SCP2: variants seen among roughly 807,000 people sequenced by gnomAD.
The protein encoded by SCP2 is sterol carrier protein 2, also known as SCP-2/3-oxoacyl-CoA thiolase.
In SCP2, 48 loss-of-function variants were observed where a neutral mutation model predicts 71.4. The observed-to-expected ratio is 0.67, with a 90% CI of 0.53 to 0.86. The LOEUF (loss-of-function observed/expected upper bound fraction) is 0.86, where lower values mean the gene tolerates loss of function less well. SCP2 is among the 40% of genes least tolerant of loss of function. The pLI is 0.00. For missense variants in SCP2, 560 were observed against 655.6 expected (o/e 0.85, Z 1.59); for synonymous variants, 220 against 218.1 (o/e 1.01, Z -0.08).
At chr1:52,990,041 CTT>C (rs1659331772) in intron 11 of SCP2, among the ~76,000 whole-genome samples, 2 of 152,156 alleles carry the variant, frequency 1.3e-5, no homozygotes, top group South Asian at 4.1e-4. Context: ...GACCAGGAGA[CTT>C]TTTAGTTCAG....
chr1:52,994,047 T>TGTAA (rs922629749), intron 11 of SCP2: 1 of 1,160,026 alleles, frequency 8.6e-7, no homozygotes, highest in Non-Finnish European at 1.1e-6. Context: ...CGTATCTGTA[T>TGTAA]GTAAATGTTG....
At chr1:52,958,410 T>C (rs1193761469) in intron 5 of SCP2, among the ~76,000 whole-genome samples, 1 of 152,086 alleles carries the variant, frequency 6.6e-6, no homozygotes, top group Non-Finnish European at 1.5e-5. Flanking sequence ...TGTGTATTTT[T>C]AGTAGAGACG....
At position 53,050,625 on chromosome 1, in the gene SCP2, A is replaced by C. The variant is rs778473698; in HGVS notation, c.1565A>C (p.Lys522Thr). 1.2e-5 allele frequency: 19 copies of C among 1,613,070 alleles called. No homozygotes were observed. Among genetic ancestry groups the C allele is most frequent in the Non-Finnish European group, 1.4e-5 (16 of 1,179,220 alleles). ...MNPQSAFFQG[K>T]LKITGNMGLA... ...TCTTCACAGGCCTTCTTTCAAGGCA[A>C]ATTGAAAATCACTGGCAACATGGGT... Residue 522 changes from lysine (K) to threonine (T), a missense_variant, in exon 16 of 16, where the codon AAA (lysine) becomes ACA (threonine). Lys to Thr is a moderately conservative substitution (Grantham distance 78). Coordinates refer to ENST00000371514, the MANE Select transcript of SCP2 (RefSeq NM_002979.5).
chr1:52,979,346 TA>T (rs1658272718), intron 9 of SCP2, among the ~76,000 whole-genome samples: 1 of 147,412 alleles, frequency 6.8e-6, no homozygotes, highest in African/African-American at 2.7e-5. Flanking sequence ...TAAGTTTTTG[TA>T]TTTTTTTTTT....
At chr1:52,960,203 T>C (rs1415076944) in intron 5 of SCP2, among the ~76,000 whole-genome samples, 16 of 152,138 alleles carry the variant, frequency 1.1e-4, no homozygotes, top group Admixed American at 1.0e-3. Flanking sequence ...TTCTTTTTTC[T>C]AGTTTATTCT....
rs1663934517 is a variant in SCP2, at chr1:53,047,847, A to G, written c.1469-11A>G. 4 of 1,592,182 alleles carry G rather than the reference A, an allele frequency of 2.5e-6. No homozygotes were observed. The highest frequency in any genetic ancestry group is 2.6e-6 in the Non-Finnish European group (3 of 1,160,192). On this transcript the variant is annotated splice_polypyrimidine_tract_variant and intron_variant, in intron 14 of 15. Coordinates refer to ENST00000371514, the MANE Select transcript of SCP2 (RefSeq NM_002979.5). Reference sequence around the variant, plus strand: ...CCTATTCTCCTTCCTTCTCCTGTGTATCTGTTTTAGATAAGAAGGCTGACT... The same window carrying G: ...CCTATTCTCCTTCCTTCTCCTGTGTGTCTGTTTTAGATAAGAAGGCTGACT...
At chr1:52,974,993 A>G (rs2150163790) in intron 7 of SCP2, among the ~76,000 whole-genome samples, 161 bp downstream of exon 7, 1 of 152,280 alleles carries the variant, frequency 6.6e-6, no homozygotes, top group East Asian at 1.9e-4. Context: ...ACTTTTGACA[A>G]CTTTTCAGTT....
chr1:53,010,994 G>T (rs1660954866), intron 11 of SCP2, among the ~76,000 whole-genome samples: 2 of 152,174 alleles, frequency 1.3e-5, no homozygotes, highest in South Asian at 4.1e-4. Context: ...CACAAAGCCT[G>T]TTGGGTGGTC....
Position 52,961,632 on chromosome 1 carries a change from A to G in SCP2, c.523+3A>G, listed in dbSNP as rs1178560410. The G allele has an allele frequency of 2.5e-6, 4 of 1,613,308 alleles. No individual in the cohort carries two copies. The highest frequency in any genetic ancestry group is 1.1e-5 in the South Asian group (1 of 91,064). The stretch of plus-strand genomic sequence containing the variant: ...AAAAGAACATATGGAAAAATATGGT[A>G]TGTTACAGTTAAAAAACTTTGAGGC... On this transcript the variant is annotated splice_donor_region_variant and intron_variant, in intron 6 of 15. Transcript: ENST00000371514.
At chr1:53,041,090 G>C (rs1663393456) in intron 14 of SCP2, among the ~76,000 whole-genome samples, 1 of 152,126 alleles carries the variant, frequency 6.6e-6, no homozygotes, top group Non-Finnish European at 1.5e-5. Context: ...ATTGGGACCA[G>C]CTCTTTGGAG....
chr1:52,937,293 G>A (rs1159089176), intron 1 of SCP2, among the ~76,000 whole-genome samples: 1 of 152,152 alleles, frequency 6.6e-6, no homozygotes, highest in East Asian at 1.9e-4. Context: ...TAAGACTACT[G>A]GGTGCAGAGT....
chr1:52,961,718 G>A, intron 6 of SCP2, 89 bp downstream of exon 6: 1 of 1,144,892 alleles, frequency 8.7e-7, no homozygotes, highest in South Asian at 1.3e-5. Flanking sequence ...AACTGTGGAG[G>A]ATGCCAGGAT....
At position 53,028,079 on chromosome 1, in the gene SCP2, T is replaced by G. The variant is rs375633442; in HGVS notation, c.1338+8T>G. 155 of 1,482,144 alleles carry G rather than the reference T, an allele frequency of 1.0e-4. No individual in the cohort carries two copies. Among genetic ancestry groups the G allele is most frequent in the Non-Finnish European group, 1.3e-4 (143 of 1,060,422 alleles). The allele number at this position is 1,482,144 out of a possible 1,614,324, so 91.8% of individuals were successfully genotyped here. ...GAGAAGAAACTTGAAGAGGTAAGAT[T>G]TATGTAAAATATTGCCAGGAAGGAC... On this transcript the variant is annotated splice_region_variant and intron_variant, in intron 13 of 15. Transcript: ENST00000371514.
chr1:52,939,815 G>A (rs1654057233), intron 1 of SCP2, among the ~76,000 whole-genome samples: 1 of 152,026 alleles, frequency 6.6e-6, no homozygotes, highest in South Asian at 2.1e-4. Flanking sequence ...GATTATAGGT[G>A]CTGGCCACCA....
At chr1:53,013,283 T>G (rs1173495775) in intron 11 of SCP2, among the ~76,000 whole-genome samples, 1 of 151,494 alleles carries the variant, frequency 6.6e-6, no homozygotes, top group Admixed American at 6.6e-5. Flanking sequence ...GCCTGGCTGA[T>G]TTAAAAAAAT....
At chr1:52,996,015 G>GA in intron 11 of SCP2, 1 of 1,406,830 alleles carries the variant, frequency 7.1e-7, no homozygotes, top group East Asian at 2.5e-5. Flanking sequence ...GGAGGCTGAA[G>GA]AGGAGGCCTA....
chr1:52,939,282 G>A (rs1052071538), intron 1 of SCP2, among the ~76,000 whole-genome samples: 4 of 151,998 alleles, frequency 2.6e-5, no homozygotes, highest in Admixed American at 6.6e-5. Context: ...ATAGTGGCTC[G>A]TGACTGTAAT....
intron 7 of SCP2, among the ~76,000 whole-genome samples, chr1:52,975,914 A>G (rs1657922668): frequency 6.6e-6 from 1 of 152,196 alleles, no homozygotes; most frequent in Admixed American, 6.5e-5. Flanking sequence ...TGGGATGCCC[A>G]TGCCACCCAT....
In SCP2 at chr1:52,954,556, G is replaced by T. The variant is rs78958884; in HGVS notation, c.332-184G>T. On this transcript the variant is annotated intron_variant, in intron 4 of 15. Transcript: ENST00000371514. ...TGTAGAGACAGAGTCTTACTATGTT[G>T]CCTGGCTGGTCTTGACCTCCTGACC... Among the ~76,000 whole-genome samples the T allele has an allele frequency of 7.6e-3, 1,152 of 152,052 alleles. 10 individuals are homozygous for T. The highest frequency in any genetic ancestry group is 0.025 in the African/African-American group (1,039 of 41,468).
Sources: gnomAD v4.1 joint callset for allele counts (sites outside exome capture counted in the v4.1 genomes callset) on GRCh38, gnomAD v4.1.1 for gene constraint, MANE v1.5 for transcripts, NCBI Gene and HGNC (gene_info 2026-07-23, HGNC 2026-07-21) for gene names.